XAB2: variants seen among roughly 807,000 people sequenced by gnomAD.
The protein encoded by XAB2 is pre-mRNA-splicing factor SYF1.
XAB2 carries 57 observed loss-of-function variants against 113.4 expected under a neutral mutation model. The ratio of observed to expected loss-of-function variants is 0.50; its 90% CI spans 0.41 to 0.63. The LOEUF (loss-of-function observed/expected upper bound fraction) is 0.63. Ranked by LOEUF, XAB2 falls within the 20% of genes least tolerant of loss-of-function variation. XAB2 has a pLI of 0.00. For missense variants in XAB2, 1,037 were observed against 1,233.3 expected, an observed-to-expected ratio of 0.84 and a Z score of 2.38; for synonymous variants, 497 against 498.8, an observed-to-expected ratio of 1.00 and a Z score of 0.05.
At position 7,625,077 on chromosome 19, in the gene XAB2, C is replaced by T. The variant is rs2031111208; in HGVS notation, c.823-632G>A. On this transcript the variant is annotated intron_variant, in intron 6 of 18. Transcript: ENST00000358368. The surrounding 1 kb of genome is among the most constrained non-coding windows in gnomAD (Gnocchi z 5.2). ...CCAGCCCGTTTGGCTTTCGAGGCTCCCAACCTATCTTCCCTGGGTTCCTGA... is the reference window on the plus strand; with the variant it reads ...CCAGCCCGTTTGGCTTTCGAGGCTCTCAACCTATCTTCCCTGGGTTCCTGA... 6.6e-6 allele frequency among the ~76,000 whole-genome samples: 1 copy of T among 152,220 alleles called. No homozygotes were observed. Among genetic ancestry groups the T allele is most frequent in the South Asian group, 2.1e-4 (1 of 4,832 alleles).
rs1250320982 is a variant in XAB2 at position 7,621,280 on chromosome 19, G to A, written c.1635C>T (p.Ile545=). The change falls in exon 13 of 19, where the codon ATC becomes ATT. Residue 545 remains isoleucine (I), a synonymous_variant. Coordinates refer to ENST00000358368, the MANE Select transcript of XAB2 (RefSeq NM_020196.3). Reference sequence around the variant, plus strand: ...ACACGTTGGGCCACTTGAACAGCGAGATGCCGCGCTCGTACGCCTGTTACC... The same window carrying A: ...ACACGTTGGGCCACTTGAACAGCGAAATGCCGCGCTCGTACGCCTGTTACC... ...EESFKAYERG[I]SLFKWPNVSD... 2 of 1,612,876 alleles carry A rather than the reference G, an allele frequency of 1.2e-6. No individual in the cohort carries two copies. The highest frequency in any genetic ancestry group is 1.7e-6 in the Non-Finnish European group (2 of 1,179,976).
chr19:7,627,542 A>G lies in XAB2; in HGVS notation c.325-102T>C. ...GCTGAGCCACACCTGGGGCCACCAC[A>G]TAAATGCGGCGGGACCCAGAAACCC... On this transcript the variant is annotated intron_variant, in intron 3 of 18. Coordinates refer to ENST00000358368, the MANE Select transcript of XAB2 (RefSeq NM_020196.3). The surrounding 1 kb of genome is among the most constrained non-coding windows in gnomAD (Gnocchi z 4.5). The G allele has an allele frequency of 6.6e-7, 1 of 1,519,700 alleles. No homozygotes were observed. Among genetic ancestry groups the G allele is most frequent in the Non-Finnish European group, 8.9e-7 (1 of 1,118,846 alleles). 94.1% of individuals were successfully genotyped at this position (1,519,700 alleles called of 1,614,324 possible). A position where few individuals can be genotyped will look rare whatever the true frequency, so the allele number is the denominator to read the frequency against.
chr19:7,619,938 GC>G lies in XAB2; in HGVS notation c.2396+7del. On this transcript the variant is annotated splice_region_variant and intron_variant, in intron 17 of 18. Coordinates refer to ENST00000358368, the MANE Select transcript of XAB2 (RefSeq NM_020196.3). ...CCAGTCCTGTCCCGTCCAAGGATCC[GC>G]CCTCACCTCACGAACAGGATCTTGC... 6.2e-7 allele frequency: 1 copy of G among 1,610,556 alleles called. No homozygotes were observed. Among genetic ancestry groups the G allele is most frequent in the Non-Finnish European group, 8.5e-7 (1 of 1,179,876 alleles).
intron 14 of XAB2, 24 bp downstream of exon 14, chr19:7,620,822 G>T: frequency 6.4e-7 from 1 of 1,565,776 alleles, no homozygotes; most frequent in Middle Eastern, 1.7e-4. Context: ...CTCTGGCCCC[G>T]GCCCAGCCCC....
chr19:7,626,650 G>A (rs1416639626), intron 4 of XAB2, among the ~76,000 whole-genome samples: 1 of 151,872 alleles, frequency 6.6e-6, no homozygotes, highest in African/African-American at 2.4e-5. Flanking sequence ...AACCCACAAT[G>A]GGTCCAGCCT....
chr19:7,623,877 C>T lies in XAB2; in HGVS notation c.973G>A (p.Val325Met), dbSNP rs780404121. 6 of 1,579,640 alleles carry T rather than the reference C, an allele frequency of 3.8e-6. No homozygotes were observed. The African/African-American group carries it at 4.1e-5, about 11-fold the overall frequency. ...CGGGCCAGGCGCAGCTCCAGGTCCA[C>T]ATCATCTGGGAGCCGCGAACATGTT... ...SELGREEEDD[V>M]DLELRLARFE... The change falls in exon 8 of 19, where the codon GTG becomes ATG. Residue 325 changes from valine (V) to methionine (M), a missense_variant. By Grantham distance (21) the Val-to-Met change is conservative. Transcript: ENST00000358368. The surrounding 1 kb of genome is among the most constrained non-coding windows in gnomAD (Gnocchi z 4.6).
chr19:7,621,448 T>TG lies in XAB2; in HGVS notation c.1618-152dup, dbSNP rs914612863. 6 of 804,744 alleles carry TG rather than the reference T, an allele frequency of 7.5e-6. No homozygotes were observed. In the African/African-American group the frequency reaches 1.0e-4, roughly 14 times the overall value. 49.9% of individuals were successfully genotyped at this position (804,744 alleles called of 1,614,324 possible). ...GCCTCCCTGTCCCTAATGGCAGTTG[T>TG]GGGGGTCTGTCCTCTGCACTGTCTC... On this transcript the variant is annotated intron_variant, in intron 12 of 18. Transcript: ENST00000358368.
Position 7,624,580 on chromosome 19 carries a change from G to C in XAB2, c.823-135C>G. On this transcript the variant is annotated intron_variant, in intron 6 of 18. Transcript: ENST00000358368. This position sits in a 1 kb window ranked among gnomAD's most constrained non-coding sequence, Gnocchi z 4.2. ...GACGCATCCAGCACCTCTGGGTAGTGACCCCAGGACAGAGCCTCCGTGGAG... is the reference window on the plus strand; with the variant it reads ...GACGCATCCAGCACCTCTGGGTAGTCACCCCAGGACAGAGCCTCCGTGGAG... 7.5e-7 allele frequency: 1 copy of C among 1,332,184 alleles called. No individual in the cohort carries two copies. Among genetic ancestry groups the C allele is most frequent in the Non-Finnish European group, 1.0e-6 (1 of 972,666 alleles). 82.5% of individuals were successfully genotyped at this position (1,332,184 alleles called of 1,614,324 possible). A position where few individuals can be genotyped will look rare whatever the true frequency, so the allele number is the denominator to read the frequency against.
At position 7,625,790 on chromosome 19, in the gene XAB2, G is replaced by GT; in HGVS notation, c.822+89dup. The GT allele has an allele frequency of 2.7e-6, 4 of 1,494,772 alleles. No homozygotes were observed. The highest frequency in any genetic ancestry group is 2.7e-6 in the Non-Finnish European group (3 of 1,116,608). 92.6% of individuals were successfully genotyped at this position (1,494,772 alleles called of 1,614,324 possible). A position where few individuals can be genotyped will look rare whatever the true frequency, so the allele number is the denominator to read the frequency against. ...CACCACACCCAGCCATAAATGGCATGTTTTCTGCCTGTGCATGTGTCAACA... is the reference window on the plus strand; with the variant it reads ...CACCACACCCAGCCATAAATGGCATGTTTTTCTGCCTGTGCATGTGTCAACA... On this transcript the variant is annotated intron_variant, in intron 6 of 18. Transcript: ENST00000358368. This position sits in a 1 kb window ranked among gnomAD's most constrained non-coding sequence, Gnocchi z 5.2.
In XAB2 at chr19:7,622,370, C is replaced by A. The variant is rs2031051525; in HGVS notation, c.1578G>T (p.Met526Ile). 6.2e-7 allele frequency: 1 copy of A among 1,614,206 alleles called. No homozygotes were observed. The highest frequency in any genetic ancestry group is 8.5e-7 in the Non-Finnish European group (1 of 1,180,040). The change falls in exon 12 of 19, where the codon ATG becomes ATT. Residue 526 changes from methionine to isoleucine, a missense_variant. Transcript: ENST00000358368. The part of the protein sequence containing the change: ...ATPQIVINYA[M>I]FLEEHKYFEE... ...CGAAGTACTTGTGCTCCTCCAGGAA[C>A]ATGGCATAGTTGATGACGATCTGGG...
chr19:7,623,030 G>A lies in XAB2; in HGVS notation c.1240-137C>T, dbSNP rs2146185937. 1.3e-6 allele frequency: 2 copies of A among 1,539,480 alleles called. No individual in the cohort carries two copies. Among genetic ancestry groups the A allele is most frequent in the East Asian group, 2.4e-5 (1 of 42,398 alleles). On this transcript the variant is annotated intron_variant, in intron 9 of 18. Transcript: ENST00000358368. This position sits in a 1 kb window ranked among gnomAD's most constrained non-coding sequence, Gnocchi z 4.6. ...CACACACACAGGCACACACATGCGTGCACATATGCATGCACCCAAATGCAC... is the reference window on the plus strand; with the variant it reads ...CACACACACAGGCACACACATGCGTACACATATGCATGCACCCAAATGCAC...
Position 7,626,193 on chromosome 19 carries a change from C to A in XAB2, c.600G>T (p.Leu200=). The A allele has an allele frequency of 6.2e-7, 1 of 1,613,778 alleles. No homozygotes were observed. ...AACGCTCGTCGTTCACCACGGTGGC[C>A]AGGCGCTGGGCGGCCTCATCCAGCC... ...SDRLDEAAQR[L]ATVVNDERFV... The change falls in exon 5 of 19, where the codon CTG becomes CTT. Residue 200 remains leucine (L), a synonymous_variant. Transcript: ENST00000358368.
rs545909869 is a variant in XAB2, at chr19:7,628,790, A to AG, written c.52-493dup. On this transcript the variant is annotated intron_variant, in intron 1 of 18. Coordinates refer to ENST00000358368, the MANE Select transcript of XAB2 (RefSeq NM_020196.3). This position sits in a 1 kb window ranked among gnomAD's most constrained non-coding sequence, Gnocchi z 4.6. ...CTTTACCCCAGCCACCAGGGCTCTCAGGTCCAGATTCCAAGCCACTAGCCC... is the reference window on the plus strand; with the variant it reads ...CTTTACCCCAGCCACCAGGGCTCTCAGGGTCCAGATTCCAAGCCACTAGCCC... 1.2e-4 allele frequency among the ~76,000 whole-genome samples: 19 copies of AG among 152,232 alleles called. No homozygotes were observed. The East Asian group carries it at 3.5e-3, about 28-fold the overall frequency.
At chr19:7,626,391 C>T (rs939145837) in intron 4 of XAB2, 121 bp from the exon 5 acceptor site, 1 of 1,396,558 alleles carries the variant, frequency 7.2e-7, no homozygotes, top group Admixed American at 1.9e-5. Context: ...CAAAAGCAAG[C>T]CCTGTCAAAC....
At position 7,627,714 on chromosome 19, in the gene XAB2, G is replaced by A. The variant is rs1413974563; in HGVS notation, c.324+14C>T. 18 of 1,598,126 alleles carry A rather than the reference G, an allele frequency of 1.1e-5. No homozygotes were observed. Among genetic ancestry groups the A allele is most frequent in the African/African-American group, 2.7e-5 (2 of 73,868 alleles). ...GCTCCACTTCCCGATTCATCCCCTC[G>A]CCGAGCCCCAAACCTTGTGCATGAA... On this transcript the variant is annotated intron_variant, in intron 3 of 18. Transcript: ENST00000358368. This position sits in a 1 kb window ranked among gnomAD's most constrained non-coding sequence, Gnocchi z 4.5.
At chr19:7,626,826 T>C (rs1412780060) in intron 4 of XAB2, among the ~76,000 whole-genome samples, 2 of 152,142 alleles carry the variant, frequency 1.3e-5, no homozygotes, top group Admixed American at 6.5e-5. Context: ...ATAAAACAGA[T>C]ACTTTAAGTT....
In XAB2 at chr19:7,619,569, GAT is replaced by G. The variant is rs1568452268; in HGVS notation, c.*15_*16del. 1.2e-6 allele frequency: 1 copy of G among 856,012 alleles called. No homozygotes were observed. Among genetic ancestry groups the G allele is most frequent in the Non-Finnish European group, 1.6e-6 (1 of 616,328 alleles). The allele number at this position is 856,012 out of a possible 1,614,324, so 53.0% of individuals were successfully genotyped here. A position where few individuals can be genotyped will look rare whatever the true frequency, so the allele number is the denominator to read the frequency against. On this transcript the variant is annotated 3_prime_UTR_variant, in exon 19 of 19. Coordinates refer to ENST00000358368, the MANE Select transcript of XAB2 (RefSeq NM_020196.3). ...TATTGGGGAGGGGGTGGGGAGGGGGGATGGGGGAGGGACGGGTCAGTCTTCCT... is the reference window on the plus strand; with the variant it reads ...TATTGGGGAGGGGGTGGGGAGGGGGGGGGGGAGGGACGGGTCAGTCTTCCT...
chr19:7,623,144 A>G lies in XAB2; in HGVS notation c.1239+26T>C. The G allele has an allele frequency of 1.2e-6, 2 of 1,611,578 alleles. No individual in the cohort carries two copies. Among genetic ancestry groups the G allele is most frequent in the Non-Finnish European group, 1.7e-6 (2 of 1,178,930 alleles). The stretch of plus-strand genomic sequence containing the variant: ...CAAGCACACACACATGCATGAACAC[A>G]CAGGCACACGCAACAGGGTGCTCAC... On this transcript the variant is annotated intron_variant, in intron 9 of 18. Transcript: ENST00000358368. This position sits in a 1 kb window ranked among gnomAD's most constrained non-coding sequence, Gnocchi z 4.6.
Position 7,624,579 on chromosome 19 carries a change from T to TGACCCCAG in XAB2, c.823-142_823-135dup, listed in dbSNP as rs1346381564. The TGACCCCAG allele has an allele frequency of 4.4e-6, 6 of 1,356,884 alleles. No individual in the cohort carries two copies. The highest frequency in any genetic ancestry group is 5.0e-6 in the Non-Finnish European group (5 of 992,168). The allele number at this position is 1,356,884 out of a possible 1,614,324, so 84.1% of individuals were successfully genotyped here. A position where few individuals can be genotyped will look rare whatever the true frequency, so the allele number is the denominator to read the frequency against. On this transcript the variant is annotated intron_variant, in intron 6 of 18. Coordinates refer to ENST00000358368, the MANE Select transcript of XAB2 (RefSeq NM_020196.3). The surrounding 1 kb of genome is among the most constrained non-coding windows in gnomAD (Gnocchi z 4.2). ...TGACGCATCCAGCACCTCTGGGTAGTGACCCCAGGACAGAGCCTCCGTGGA... is the reference window on the plus strand; with the variant it reads ...TGACGCATCCAGCACCTCTGGGTAGTGACCCCAGGACCCCAGGACAGAGCCTCCGTGGA...
Sources: gnomAD v4.1 joint callset for allele counts (sites outside exome capture counted in the v4.1 genomes callset) on GRCh38, gnomAD v4.1.1 for gene constraint, Gnocchi (gnomAD v3.1) non-coding constraint, MANE v1.5 for transcripts, NCBI Gene and HGNC (gene_info 2026-07-23, HGNC 2026-07-21) for gene names.